Variants in SYNE2 observed in about 807,000 individuals in gnomAD.
The protein encoded by SYNE2 is nesprin-2.
Under a neutral mutation model 856.3 loss-of-function variants are expected in SYNE2, and 431 were observed. The ratio of observed to expected loss-of-function variants is 0.50; its 90% CI spans 0.47 to 0.55. The LOEUF (loss-of-function observed/expected upper bound fraction) is 0.55. Among genes scored for constraint, SYNE2 ranks in the 20% least tolerant of loss-of-function variants. The pLI is 0.00. For missense variants in SYNE2, 8,129 were observed against 8,023.2 expected (o/e 1.01, Z -0.50); for synonymous variants, 2,923 against 2,872.3 (o/e 1.02, Z -0.56).
intron 7 of SYNE2, among the ~76,000 whole-genome samples, chr14:63,951,589 C>T (rs570266654): frequency 2.4e-4 from 36 of 152,270 alleles, no homozygotes; most frequent in African/African-American, 8.2e-4. Flanking sequence ...AGGGGTGAGC[C>T]GCTGCTCCCG....
chr14:64,173,137 C>T (rs191522698), intron 94 of SYNE2, among the ~76,000 whole-genome samples: 123 of 152,236 alleles, frequency 8.1e-4, no homozygotes, highest in Non-Finnish European at 1.4e-3. Context: ...CTGTAGGAGA[C>T]GCAGTGCGTT....
rs2097605382 is a variant in SYNE2, at chr14:64,090,788, T to C, written c.11794-78T>C. 1.8e-5 allele frequency: 24 copies of C among 1,312,360 alleles called. No individual in the cohort carries two copies. In the South Asian group the frequency reaches 3.0e-4, roughly 16 times the overall value. The allele number at this position is 1,312,360 out of a possible 1,614,324, so 81.3% of individuals were successfully genotyped here. ...TGCAAACTATAAAAACTATACTGTATTTTAATTTTGAATAATTAAATTTAA... is the reference window on the plus strand; with the variant it reads ...TGCAAACTATAAAAACTATACTGTACTTTAATTTTGAATAATTAAATTTAA... On this transcript the variant is annotated intron_variant, in intron 59 of 115. Coordinates refer to ENST00000555002, the MANE Select transcript of SYNE2 (RefSeq NM_182914.3).
intron 64 of SYNE2, 107 bp downstream of exon 64, chr14:64,102,149 C>A: frequency 1.3e-6 from 1 of 783,510 alleles, no homozygotes; most frequent in Non-Finnish European, 2.2e-6. Flanking sequence ...GACGGACTCG[C>A]TCTGTCGCCC....
chr14:63,800,881 T>C (rs932863363), intron 1 of SYNE2, among the ~76,000 whole-genome samples: 1 of 152,156 alleles, frequency 6.6e-6, no homozygotes, highest in Non-Finnish European at 1.5e-5. Context: ...ACCCGAGTGA[T>C]GAAACAATCT....
intron 112 of SYNE2, 83 bp downstream of exon 112, chr14:64,221,787 G>A (rs1238923377): frequency 1.3e-6 from 2 of 1,519,626 alleles, no homozygotes; most frequent in Non-Finnish European, 1.8e-6. Context: ...GCCTCGCCTA[G>A]TATTTCAGGA....
chr14:64,208,370 A>T (rs1275063184), intron 100 of SYNE2, among the ~76,000 whole-genome samples: 1 of 152,174 alleles, frequency 6.6e-6, no homozygotes, highest in Non-Finnish European at 1.5e-5. Context: ...CCTCCCTGAA[A>T]CCAAGTCTAA....
intron 81 of SYNE2, 101 bp from the exon 82 acceptor site, chr14:64,141,841 T>C: frequency 7.1e-7 from 1 of 1,413,852 alleles, no homozygotes; most frequent in South Asian, 1.2e-5. Flanking sequence ...TGCATAATTA[T>C]ATAGCAAGAC....
At chr14:63,958,361 T>C (rs933550111) in intron 8 of SYNE2, among the ~76,000 whole-genome samples, 4 of 152,334 alleles carry the variant, frequency 2.6e-5, no homozygotes, top group Admixed American at 6.5e-5. Flanking sequence ...TCCCAGACTT[T>C]TAAATAAATG....
In SYNE2 at chr14:64,089,579, G is replaced by A. The variant is rs781100514; in HGVS notation, c.11676G>A (p.Val3892=). Residue 3892 remains valine (V), a synonymous_variant, in exon 59 of 116, where the codon GTG becomes GTA. Coordinates refer to ENST00000555002, the MANE Select transcript of SYNE2 (RefSeq NM_182914.3). ...LPQIQRMADD[V]VAIESEVKSM... ...GTGTTCTTCTGAAATTCTAGGATGTGGTTGCTATTGAATCTGAAGTAAAAT... is the reference window on the plus strand; with the variant it reads ...GTGTTCTTCTGAAATTCTAGGATGTAGTTGCTATTGAATCTGAAGTAAAAT... The A allele has an allele frequency of 1.9e-5, 30 of 1,608,960 alleles. No homozygotes were observed. The highest frequency in any genetic ancestry group is 2.5e-5 in the Non-Finnish European group (29 of 1,176,656).
At chr14:63,793,763 C>T (rs1207812426) in intron 1 of SYNE2, among the ~76,000 whole-genome samples, 2 of 149,252 alleles carry the variant, frequency 1.3e-5, no homozygotes, top group Non-Finnish European at 3.0e-5. Context: ...AAAATGAGGC[C>T]CCCCCCCAAC....
intron 45 of SYNE2, among the ~76,000 whole-genome samples, chr14:64,035,116 AATTG>A (rs1311852777): frequency 2.0e-5 from 3 of 151,638 alleles, no homozygotes; most frequent in Non-Finnish European, 4.4e-5. Flanking sequence ...AGCATTTCTG[AATTG>A]ATTTTGTTCT....
At chr14:63,902,657 A>G (rs1455982863) in intron 1 of SYNE2, among the ~76,000 whole-genome samples, 4 of 151,746 alleles carry the variant, frequency 2.6e-5, no homozygotes, top group African/African-American at 9.7e-5. Flanking sequence ...AGCTAAATCT[A>G]GCCCTTAGCC....
chr14:63,858,123 T>C (rs574438026), intron 1 of SYNE2, among the ~76,000 whole-genome samples: 46 of 151,880 alleles, frequency 3.0e-4, no homozygotes, highest in Middle Eastern at 3.4e-3. Flanking sequence ...TTATTATTTA[T>C]TTATTTATTT....
rs763567749 is a variant in SYNE2, at chr14:63,909,143, C to T, written c.-6C>T. 2 of 1,602,426 alleles carry T rather than the reference C, an allele frequency of 1.2e-6. No homozygotes were observed. Among genetic ancestry groups the T allele is most frequent in the South Asian group, 2.2e-5 (2 of 90,786 alleles). On this transcript the variant is annotated 5_prime_UTR_variant, in exon 2 of 116. Coordinates refer to ENST00000555002, the MANE Select transcript of SYNE2 (RefSeq NM_182914.3). ...GGACATGATATAATCTCCATTGAGT[C>T]AAAGAATGGCATCTAGTCCTGAGCT...
rs1379945454 is a variant in SYNE2, at chr14:64,158,644, C to A, written c.15812C>A (p.Ser5271Tyr). Residue 5271 changes from serine (S) to tyrosine (Y), a missense_variant, in exon 86 of 116, where the codon TCC becomes TAC. Ser to Tyr is a moderately radical substitution (Grantham distance 144). Transcript: ENST00000555002. The stretch of plus-strand genomic sequence containing the variant: ...GTCTAGGTCAATCAGCTCAAAACCT[C>A]CATGCAGTCAGTTTTACAGGAGTGG... ...VLTQVNQLKT[S>Y]MQSVLQEWKI... 1.9e-6 allele frequency: 3 copies of A among 1,613,974 alleles called. No homozygotes were observed. The Admixed American group carries it at 5.0e-5, about 27-fold the overall frequency.
At chr14:63,811,861 C>T (rs1888626200) in intron 1 of SYNE2, among the ~76,000 whole-genome samples, 1 of 151,920 alleles carries the variant, frequency 6.6e-6, no homozygotes, top group African/African-American at 2.4e-5. Flanking sequence ...TCACATGCTT[C>T]AAAGGGCAAA....
intron 31 of SYNE2, 122 bp from the exon 32 acceptor site, chr14:64,009,844 A>G (rs1367363564): frequency 1.2e-6 from 1 of 827,644 alleles, no homozygotes; most frequent in Non-Finnish European, 1.9e-6. Flanking sequence ...AAGTATTAAG[A>G]ACCACATCAA....
At chr14:63,869,760 C>T (rs538424297) in intron 1 of SYNE2, among the ~76,000 whole-genome samples, 19 of 151,964 alleles carry the variant, frequency 1.3e-4, no homozygotes, top group East Asian at 3.9e-4. Context: ...ACTGAATTTC[C>T]AACTGCCGGA....
At chr14:63,791,076 G>A (rs906055853) in intron 1 of SYNE2, among the ~76,000 whole-genome samples, 2 of 152,000 alleles carry the variant, frequency 1.3e-5, no homozygotes, top group Non-Finnish European at 2.9e-5. Flanking sequence ...TCATGCCTCA[G>A]CCTCCCAAGT....
Sources: allele counts gnomAD v4.1 joint callset (sites outside exome capture counted in the v4.1 genomes callset), GRCh38; gene constraint gnomAD v4.1.1; transcripts MANE v1.5; gene names NCBI Gene and HGNC (gene_info 2026-07-23, HGNC 2026-07-21).